Variants in XKR9 observed in about 807,000 individuals in gnomAD.
The protein encoded by XKR9 is XK-related protein 9.
A neutral mutation model predicts 32.0 loss-of-function variants in XKR9; 32 were observed. That is an observed-to-expected ratio of 1.00 (90% CI 0.76 to 1.34). The LOEUF is 1.34. Among genes scored for constraint, XKR9 ranks in the 40% most tolerant of loss-of-function variants. The pLI, the probability that XKR9 is intolerant of heterozygous loss-of-function variation, is 0.00. For missense variants in XKR9, 546 were observed against 429.7 expected (o/e 1.27, Z -2.39); for synonymous variants, 168 against 143.4 (o/e 1.17, Z -1.22).
the XKR9 span, among the ~76,000 whole-genome samples, chr8:71,016,148 T>C: frequency 1.3e-5 from 2 of 152,178 alleles, no homozygotes; most frequent in Non-Finnish European, 2.9e-5. Context: ...ATAATAGCAA[T>C]TTTATTAAAT....
At chr8:70,770,389 G>A (rs571842867) in intron 2 of XKR9, among the ~76,000 whole-genome samples, 178 of 152,312 alleles carry the variant, frequency 1.2e-3, no homozygotes, top group Non-Finnish European at 2.1e-3. Context: ...ACCCCTGCTC[G>A]GAGGTCTCTT....
the XKR9 span, among the ~76,000 whole-genome samples, chr8:70,966,757 T>C: frequency 6.6e-6 from 1 of 152,168 alleles, no homozygotes; most frequent in South Asian, 2.1e-4. Flanking sequence ...GGAGTCTAAG[T>C]CTCTTTGTAG....
rs1343119855 is a variant in XKR9 at position 70,780,221 on chromosome 8, TTTCTC to T, written n.353-9114_353-9110del. ...GCTTATATTTAATTTATTTTTCTCT[TTTCTC>T]TTCCATTTTATTGTTTTTCACTTAA... On this transcript the variant is annotated intron_variant and non_coding_transcript_variant, in intron 2 of 3. Transcript: ENST00000520273. Among the ~76,000 whole-genome samples, 4 of 151,934 alleles carry T rather than the reference TTTCTC, an allele frequency of 2.6e-5. 1 individual carries two copies. The highest frequency in any genetic ancestry group is 7.2e-5 in the African/African-American group (3 of 41,436).
rs1456329779 is a variant in XKR9, at chr8:70,734,186, T to A, written c.884T>A (p.Val295Glu). Residue 295 changes from valine to glutamate, a missense_variant, in exon 5 of 5, where the codon GTA becomes GAA. By Grantham distance (121) the Val-to-Glu change is moderately radical (BLOSUM62 -2). Coordinates refer to ENST00000408926, the MANE Select transcript of XKR9 (RefSeq NM_001011720.2). ...CPMSCYYIVR[V>E]LGTLGILTVF... ...ATGTCTTGTTATTATATTGTTAGGG[T>A]ACTGGGCACTTTGGGGATATTGACT... 1.9e-6 allele frequency: 3 copies of A among 1,613,444 alleles called. No individual in the cohort carries two copies. Among genetic ancestry groups the A allele is most frequent in the Non-Finnish European group, 2.5e-6 (3 of 1,179,622 alleles).
chr8:70,927,948 C>T, the XKR9 span, among the ~76,000 whole-genome samples: 10 of 152,152 alleles, frequency 6.6e-5, no homozygotes, highest in Non-Finnish European at 1.2e-4. Context: ...CTGGTTCTTC[C>T]CCGCATCTCT....
chr8:70,705,105 A>T (rs72667740), intron 3 of XKR9, among the ~76,000 whole-genome samples: 21 of 152,272 alleles, frequency 1.4e-4, no homozygotes, highest in South Asian at 1.0e-3. Context: ...CAATGGGAAT[A>T]CTTTATATTT....
chr8:70,934,115 T>A, the XKR9 span, among the ~76,000 whole-genome samples: 4 of 152,098 alleles, frequency 2.6e-5, no homozygotes, highest in East Asian at 7.7e-4. Context: ...TAGAGTTATA[T>A]GTTGTCTTAA....
chr8:71,058,190 A>G, the XKR9 span, among the ~76,000 whole-genome samples: 2 of 151,928 alleles, frequency 1.3e-5, no homozygotes, highest in Non-Finnish European at 2.9e-5. Context: ...AAAAAAAAAT[A>G]AAATTTAATA....
At chr8:71,043,643 G>A in the XKR9 span, among the ~76,000 whole-genome samples, 6 of 152,194 alleles carry the variant, frequency 3.9e-5, no homozygotes, top group African/African-American at 9.7e-5. Flanking sequence ...AAGAATTGCT[G>A]TTGGCTGGGT....
intron 1 of XKR9, among the ~76,000 whole-genome samples, chr8:70,669,876 C>T (rs1818648036): frequency 6.6e-6 from 1 of 151,962 alleles, no homozygotes; most frequent in Non-Finnish European, 1.5e-5. Flanking sequence ...TTGTGTTAGC[C>T]AGGAAGGTCT....
the XKR9 span, among the ~76,000 whole-genome samples, chr8:70,943,726 A>C: frequency 6.6e-6 from 1 of 152,062 alleles, no homozygotes; most frequent in Admixed American, 6.6e-5. Flanking sequence ...GAGCTTGGAG[A>C]CTTGGGTACC....
chr8:71,006,838 G>T, the XKR9 span, among the ~76,000 whole-genome samples: 1 of 152,118 alleles, frequency 6.6e-6, no homozygotes, highest in Non-Finnish European at 1.5e-5. Context: ...CTTAATAAAG[G>T]GATAGAGTTG....
the XKR9 span, among the ~76,000 whole-genome samples, chr8:71,019,273 G>A: frequency 0.016 from 2,382 of 152,262 alleles, 57 homozygotes; most frequent in African/African-American, 0.054. Context: ...CCTTGGAAAT[G>A]ATTTAGCGTT....
At chr8:70,833,630 G>A in the XKR9 span, among the ~76,000 whole-genome samples, 1 of 152,148 alleles carries the variant, frequency 6.6e-6, no homozygotes, top group African/African-American at 2.4e-5. Flanking sequence ...GAACCATGTA[G>A]GGAAATTTTT....
intron 3 of XKR9, among the ~76,000 whole-genome samples, chr8:70,690,555 C>A (rs1251225439): frequency 6.7e-6 from 1 of 150,120 alleles, no homozygotes; most frequent in Non-Finnish European, 1.5e-5. Flanking sequence ...CACCATGTTG[C>A]CCAGGCTGGT....
At chr8:70,958,310 T>G in the XKR9 span, among the ~76,000 whole-genome samples, 1 of 152,148 alleles carries the variant, frequency 6.6e-6, no homozygotes, top group Admixed American at 6.5e-5. Context: ...TAATTTACAC[T>G]CCCACCACCA....
chr8:70,929,665 A>G, the XKR9 span, among the ~76,000 whole-genome samples: 2 of 152,190 alleles, frequency 1.3e-5, no homozygotes, highest in African/African-American at 4.8e-5. Flanking sequence ...TGCTCTCAGC[A>G]TCTAGAGGCT....
chr8:70,803,156 T>A, the XKR9 span, among the ~76,000 whole-genome samples: 1 of 152,236 alleles, frequency 6.6e-6, no homozygotes, highest in South Asian at 2.1e-4. Flanking sequence ...TTTCCTTTAT[T>A]TTTTAAATTA....
the XKR9 span, among the ~76,000 whole-genome samples, chr8:70,817,114 C>T: frequency 1.1e-4 from 17 of 152,154 alleles, no homozygotes; most frequent in South Asian, 3.3e-3. Context: ...TAACATCGTA[C>T]TGGAAGTTCT....
Sources: allele counts gnomAD v4.1 joint callset (sites outside exome capture counted in the v4.1 genomes callset), GRCh38; gene constraint gnomAD v4.1.1; transcripts MANE v1.5; gene names NCBI Gene and HGNC (gene_info 2026-07-23, HGNC 2026-07-21).